COL4A3: variants seen among roughly 807,000 people sequenced by gnomAD.
COL4A3 encodes the protein collagen type IV alpha 3 chain, also known as collagen alpha-3(IV) chain.
COL4A3 carries 135 observed loss-of-function variants against 217.4 expected under a neutral mutation model. That is an observed-to-expected ratio of 0.62 (90% CI 0.54 to 0.72). The LOEUF (loss-of-function observed/expected upper bound fraction) is 0.72. Ranked by LOEUF, COL4A3 falls within the 30% of genes least tolerant of loss-of-function variation. The pLI is 0.00. For missense variants in COL4A3, 1,868 were observed against 2,119.9 expected (o/e 0.88, Z 2.33); for synonymous variants, 690 against 736.3 (o/e 0.94, Z 1.02).
rs2073572861 is a variant in COL4A3, at chr2:227,307,833, C to T, written c.4376C>T (p.Ser1459Leu). ...CACAGTCAAACCACAGCAATTCCTTCATGTCCAGAGGGGACAGTGCCACTC... is the reference window on the plus strand; with the variant it reads ...CACAGTCAAACCACAGCAATTCCTTTATGTCCAGAGGGGACAGTGCCACTC... ...TRHSQTTAIP[S>L]CPEGTVPLYS... is the part of the protein sequence containing the mutation. Residue 1459 changes from serine to leucine, a missense_variant, in exon 48 of 52, where the codon TCA (serine) becomes TTA (leucine). Ser to Leu is a moderately radical substitution (Grantham distance 145). Around this residue, in one of 2 missense-constraint regions of COL4A3, gnomAD observed 1,503 missense variants for 1,786.1 expected, o/e 0.84. Coordinates refer to ENST00000396578, the MANE Select transcript of COL4A3 (RefSeq NM_000091.5). 1 of 1,614,034 alleles carries T rather than the reference C, an allele frequency of 6.2e-7. No homozygotes were observed. Among genetic ancestry groups the T allele is most frequent in the African/African-American group, 1.3e-5 (1 of 74,924 alleles).
At chr2:227,291,079 A>G in intron 37 of COL4A3, 193 bp downstream of exon 37, 1 of 620,712 alleles carries the variant, frequency 1.6e-6, no homozygotes, top group Non-Finnish European at 2.7e-6. Context: ...TCAACTTCTG[A>G]GAGCCTCTTT....
intron 1 of COL4A3, among the ~76,000 whole-genome samples, chr2:227,236,381 A>G (rs2068699281): frequency 6.6e-6 from 1 of 152,210 alleles, no homozygotes; most frequent in African/African-American, 2.4e-5. Context: ...CCTACTGCCC[A>G]AGACTAAGGA....
chr2:227,224,771 A>G (rs1400164826), intron 1 of COL4A3, among the ~76,000 whole-genome samples: 1 of 149,818 alleles, frequency 6.7e-6, no homozygotes, highest in Non-Finnish European at 1.5e-5. Context: ...AAAAAAAAAA[A>G]TGAATGATTA....
chr2:227,217,585 C>T (rs1027134344), intron 1 of COL4A3, among the ~76,000 whole-genome samples: 2 of 152,156 alleles, frequency 1.3e-5, no homozygotes, highest in African/African-American at 4.8e-5. Flanking sequence ...GCATGATGTA[C>T]CATCACTATA....
intron 1 of COL4A3, among the ~76,000 whole-genome samples, chr2:227,219,023 C>A (rs1346928363): frequency 6.6e-6 from 1 of 150,656 alleles, no homozygotes; most frequent in East Asian, 1.9e-4. Context: ...TAGACAGAGT[C>A]TCGCTCTGTC....
intron 8 of COL4A3, 46 bp from the exon 9 acceptor site, chr2:227,248,397 G>C (rs776965001): frequency 2.4e-6 from 3 of 1,263,292 alleles, no homozygotes; most frequent in Non-Finnish European, 3.5e-6. Context: ...AAGGGGTTTT[G>C]AAAATATAAC....
rs1315297077 is a variant in COL4A3 at position 227,313,786 on chromosome 2, T to C, written c.*1916T>C. On this transcript the variant is annotated 3_prime_UTR_variant, in exon 52 of 52. Coordinates refer to ENST00000396578, the MANE Select transcript of COL4A3 (RefSeq NM_000091.5). Reference sequence around the variant, plus strand: ...AAATGTCTTATTGTCCCAAGTGTACTATAGCGGCATATAGAGCTAGCTAAT... The same window carrying C: ...AAATGTCTTATTGTCCCAAGTGTACCATAGCGGCATATAGAGCTAGCTAAT... The C allele has an allele frequency of 6.6e-6, 1 of 152,262 alleles. No individual in the cohort carries two copies. Among genetic ancestry groups the C allele is most frequent in the East Asian group, 1.9e-4 (1 of 5,204 alleles). The allele number at this position is 152,262 out of a possible 1,614,324, so 9.4% of individuals were successfully genotyped here.
intron 37 of COL4A3, among the ~76,000 whole-genome samples, chr2:227,291,575 A>AAC (rs2072730797): frequency 9.4e-5 from 4 of 42,502 alleles, no homozygotes; most frequent in African/African-American, 4.2e-4. Context: ...AAAAAAAAAA[A>AAC]AAAACAAAAA....
At chr2:227,301,539 A>C (rs779505058) in intron 43 of COL4A3, among the ~76,000 whole-genome samples, 1 of 152,206 alleles carries the variant, frequency 6.6e-6, no homozygotes, top group Non-Finnish European at 1.5e-5. Flanking sequence ...CATGTTCTCC[A>C]TGATTCTTTG....
intron 1 of COL4A3, among the ~76,000 whole-genome samples, chr2:227,205,672 T>C (rs1400210739): frequency 1.3e-5 from 2 of 152,026 alleles, no homozygotes; most frequent in Non-Finnish European, 2.9e-5. Flanking sequence ...CCCACAATGC[T>C]TAAAACCCAT....
At chr2:227,240,118 T>C (rs926892445) in intron 2 of COL4A3, 25 bp from the exon 3 acceptor site, 2 of 1,574,686 alleles carry the variant, frequency 1.3e-6, no homozygotes, top group Non-Finnish European at 1.7e-6. Flanking sequence ...TCTGTGTGTT[T>C]CTCACCTCGT....
At chr2:227,296,228 A>G (rs1433483453) in intron 41 of COL4A3, 4 of 152,182 alleles carry the variant, frequency 2.6e-5, no homozygotes, top group Admixed American at 1.3e-4. Context: ...GTCTTCCCAC[A>G]TCTCTCAGAC....
At position 227,297,632 on chromosome 2, in the gene COL4A3, A is replaced by G. The variant is rs777106013; in HGVS notation, c.3566-42A>G. ...GATAGTCAAGAACTCTAACCCAAGCATATGGGCATTAAAGAAACTTATTAA... is the reference window on the plus strand; with the variant it reads ...GATAGTCAAGAACTCTAACCCAAGCGTATGGGCATTAAAGAAACTTATTAA... On this transcript the variant is annotated intron_variant, in intron 41 of 51. Transcript: ENST00000396578. 62 of 1,570,290 alleles carry G rather than the reference A, an allele frequency of 3.9e-5. 1 individual carries two copies. Among genetic ancestry groups the G allele is most frequent in the Non-Finnish European group, 5.3e-5 (61 of 1,155,352 alleles).
chr2:227,189,172 T>C (rs1308900998), intron 1 of COL4A3, among the ~76,000 whole-genome samples: 2 of 152,072 alleles, frequency 1.3e-5, no homozygotes, highest in Non-Finnish European at 2.9e-5. Context: ...AAGGCAGGGC[T>C]CCATCCTGTA....
At position 227,203,785 on chromosome 2, in the gene COL4A3, G is replaced by A. The variant is rs1025044270; in HGVS notation, c.88-34183G>A. Among the ~76,000 whole-genome samples, 3 of 149,374 alleles carry A rather than the reference G, an allele frequency of 2.0e-5. 1 individual carries two copies. The highest frequency in any genetic ancestry group is 4.5e-5 in the Non-Finnish European group (3 of 67,386). ...TATATGTGTATATATACATATATGT[G>A]TGTATATATATACACTACAGTAGCA... is the stretch of plus-strand genomic sequence containing the variant. On this transcript the variant is annotated intron_variant, in intron 1 of 51. Coordinates refer to ENST00000396578, the MANE Select transcript of COL4A3 (RefSeq NM_000091.5).
At position 227,283,867 on chromosome 2, in the gene COL4A3, G is replaced by C. The variant is rs760642437; in HGVS notation, c.2746+11G>C. On this transcript the variant is annotated intron_variant, in intron 33 of 51. Coordinates refer to ENST00000396578, the MANE Select transcript of COL4A3 (RefSeq NM_000091.5). ...CACCAGGGCAGAGGGGTAAGTGATA[G>C]AGTGTCTTTCTAAATAGCAGGAAGC... 16 of 1,602,422 alleles carry C rather than the reference G, an allele frequency of 1.0e-5. 1 individual carries two copies. The South Asian group carries it at 1.8e-4, about 18-fold the overall frequency.
At chr2:227,224,076 A>C (rs1208660616) in intron 1 of COL4A3, among the ~76,000 whole-genome samples, 1 of 152,202 alleles carries the variant, frequency 6.6e-6, no homozygotes, top group Admixed American at 6.5e-5. Context: ...GTTTGCACGC[A>C]ATCGCTCCGA....
At chr2:227,203,421 A>C (rs1574559631) in intron 1 of COL4A3, among the ~76,000 whole-genome samples, 1 of 54,376 alleles carries the variant, frequency 1.8e-5, no homozygotes, top group East Asian at 5.2e-4. Context: ...ATATGTGTAT[A>C]CATACATATA....
intron 42 of COL4A3, among the ~76,000 whole-genome samples, chr2:227,298,442 C>T (rs2073131109): frequency 6.6e-6 from 1 of 152,192 alleles, no homozygotes; most frequent in African/African-American, 2.4e-5. Flanking sequence ...GGGAAGCAGG[C>T]ACAGACCCTG....
Sources: gnomAD v4.1 joint callset for allele counts (sites outside exome capture counted in the v4.1 genomes callset) on GRCh38, gnomAD v4.1.1 for gene constraint, gnomAD v4.1.1 regional missense constraint, MANE v1.5 for transcripts, NCBI Gene and HGNC (gene_info 2026-07-23, HGNC 2026-07-21) for gene names.